NKD1: variants seen among roughly 807,000 people sequenced by gnomAD.
NKD1 encodes protein naked cuticle homolog 1.
Under a neutral mutation model 56.0 loss-of-function variants are expected in NKD1, and 21 were observed. The observed-to-expected ratio is 0.38, with a 90% CI of 0.27 to 0.54. The LOEUF (loss-of-function observed/expected upper bound fraction) is 0.54, where lower values mean the gene tolerates loss of function less well. Among genes scored for constraint, NKD1 ranks in the 20% least tolerant of loss-of-function variants. The pLI, the probability that NKD1 is intolerant of heterozygous loss-of-function variation, is 0.82. For synonymous variants in NKD1, 263 were observed against 265.7 expected (o/e 0.99, Z 0.10); for missense variants, 578 against 642.7 (o/e 0.90, Z 1.09).
chr16:50,613,912 G>A (rs1357865715), intron 4 of NKD1, among the ~76,000 whole-genome samples: 1 of 152,078 alleles, frequency 6.6e-6, no homozygotes, highest in South Asian at 2.1e-4. Context: ...CTTATGCTCT[G>A]ATGAGGAAAA....
chr16:50,565,675 C>T (rs999225680), intron 3 of NKD1, among the ~76,000 whole-genome samples: 2 of 152,178 alleles, frequency 1.3e-5, no homozygotes, highest in African/African-American at 4.8e-5. Context: ...AGCGACAGAG[C>T]GAGACCATGT....
chr16:50,566,424 A>T (rs1567335906), intron 3 of NKD1, among the ~76,000 whole-genome samples: 1 of 152,136 alleles, frequency 6.6e-6, no homozygotes, highest in African/African-American at 2.4e-5. Flanking sequence ...TCCAGCAAAA[A>T]CCCAGGCGGA....
chr16:50,574,338 C>G (rs1217357341), intron 3 of NKD1: 16 of 985,206 alleles, frequency 1.6e-5, no homozygotes, highest in Non-Finnish European at 7.2e-6. Flanking sequence ...CTGAGGTGTC[C>G]TGGGAGGGCC....
chr16:50,617,164 C>A (rs927248569), intron 4 of NKD1, among the ~76,000 whole-genome samples: 1 of 152,174 alleles, frequency 6.6e-6, no homozygotes, highest in African/African-American at 2.4e-5. Context: ...TCACAGCATG[C>A]GGTCCCCAAG....
At chr16:50,567,897 C>G (rs1478228633) in intron 3 of NKD1, among the ~76,000 whole-genome samples, 1 of 152,254 alleles carries the variant, frequency 6.6e-6, no homozygotes, top group African/African-American at 2.4e-5. Context: ...ATAAAACTGG[C>G]CTCTGCCATA....
Position 50,635,483 on chromosome 16 carries a change from G to T in NKD1, c.*1702G>T, listed in dbSNP as rs761539675. 1 of 152,198 alleles carries T rather than the reference G, an allele frequency of 6.6e-6. No individual in the cohort carries two copies. The highest frequency in any genetic ancestry group is 1.5e-5 in the Non-Finnish European group (1 of 68,036). 9.4% of individuals were successfully genotyped at this position (152,198 alleles called of 1,614,324 possible). On this transcript the variant is annotated 3_prime_UTR_variant, in exon 10 of 10. Transcript: ENST00000268459. The surrounding 1 kb of genome is among the most constrained non-coding windows in gnomAD (Gnocchi z 4.1). ...GACTCCAGCTACCTTCCTTTCTGCC[G>T]TTTTGTCTCCCAGCTGGCATTCTCT...
chr16:50,624,808 T>G (rs941820959), intron 5 of NKD1, among the ~76,000 whole-genome samples: 3 of 152,192 alleles, frequency 2.0e-5, no homozygotes, highest in African/African-American at 7.2e-5. Context: ...GGGCATTCCT[T>G]CCCAGGCTCT....
At position 50,607,000 on chromosome 16, in the gene NKD1, C is replaced by G. The variant is rs73571941; in HGVS notation, c.193-1294C>G. ...TAACACAAACAGCCAGTTTACAAGC[C>G]CAGGATATGTTCGATGATTATAATA... is the stretch of plus-strand genomic sequence containing the variant. On this transcript the variant is annotated intron_variant, in intron 3 of 9. Coordinates refer to ENST00000268459, the MANE Select transcript of NKD1 (RefSeq NM_033119.5). The G allele has an allele frequency of 1.8e-3, 831 of 456,934 alleles. 6 individuals are homozygous for G. The highest frequency in any genetic ancestry group is 0.016 in the African/African-American group (788 of 50,144). The allele number at this position is 456,934 out of a possible 1,614,324, so 28.3% of individuals were successfully genotyped here.
In NKD1 at chr16:50,548,553, C is replaced by T. The variant is rs1018770690; in HGVS notation, c.-1C>T. On this transcript the variant is annotated 5_prime_UTR_variant, in exon 1 of 10. Coordinates refer to ENST00000268459, the MANE Select transcript of NKD1 (RefSeq NM_033119.5). ...ACGCTCCCGGCCGCCGCAGCCCCAGCATGGGGAAACTTCACTCCAAGCCGG... is the reference window on the plus strand; with the variant it reads ...ACGCTCCCGGCCGCCGCAGCCCCAGTATGGGGAAACTTCACTCCAAGCCGG... 1 of 1,468,412 alleles carries T rather than the reference C, an allele frequency of 6.8e-7. No individual in the cohort carries two copies. Among genetic ancestry groups the T allele is most frequent in the Non-Finnish European group, 9.0e-7 (1 of 1,115,562 alleles). The allele number at this position is 1,468,412 out of a possible 1,614,324, so 91.0% of individuals were successfully genotyped here.
intron 4 of NKD1, among the ~76,000 whole-genome samples, chr16:50,619,109 C>T (rs1962029938): frequency 6.6e-6 from 1 of 152,180 alleles, no homozygotes; most frequent in African/African-American, 2.4e-5. Flanking sequence ...CAAGCCTGGC[C>T]AGCTTGCATC....
In NKD1 at chr16:50,569,368, C is replaced by T. The variant is rs781751816; in HGVS notation, c.192+19813C>T. 2.6e-5 allele frequency among the ~76,000 whole-genome samples: 4 copies of T among 152,160 alleles called. 1 individual carries two copies. Among genetic ancestry groups the T allele is most frequent in the Non-Finnish European group, 4.4e-5 (3 of 68,030 alleles). ...ATTGCTTCTGTGTTCCCTGCAAATACATACACCCCTGCTTTATCCTTGGCT... is the reference window on the plus strand; with the variant it reads ...ATTGCTTCTGTGTTCCCTGCAAATATATACACCCCTGCTTTATCCTTGGCT... On this transcript the variant is annotated intron_variant, in intron 3 of 9. Transcript: ENST00000268459.
At chr16:50,585,182 AT>A (rs1252209795) in intron 3 of NKD1, among the ~76,000 whole-genome samples, 2 of 152,194 alleles carry the variant, frequency 1.3e-5, no homozygotes, top group African/African-American at 4.8e-5. Context: ...CTGTCATTAG[AT>A]TCCGATTTTG....
intron 3 of NKD1, among the ~76,000 whole-genome samples, chr16:50,573,334 C>T (rs946640929): frequency 6.6e-5 from 10 of 152,034 alleles, no homozygotes; most frequent in Non-Finnish European, 8.8e-5. Context: ...GCTATGGAGA[C>T]CTCCTGATGC....
chr16:50,620,734 A>G (rs1272603736), intron 4 of NKD1, among the ~76,000 whole-genome samples: 2 of 152,192 alleles, frequency 1.3e-5, no homozygotes, highest in Admixed American at 6.5e-5. Context: ...GGCACTTTGT[A>G]GTCGGGATCC....
chr16:50,574,288 G>A (rs1960945684), intron 3 of NKD1: 2 of 985,404 alleles, frequency 2.0e-6, no homozygotes, highest in Middle Eastern at 5.2e-4. Flanking sequence ...GACAGTGGGG[G>A]CTAGGGATTG....
intron 3 of NKD1, among the ~76,000 whole-genome samples, chr16:50,589,684 TTTC>T (rs1021664991): frequency 4.7e-5 from 7 of 147,592 alleles, no homozygotes; most frequent in African/African-American, 1.5e-4. Context: ...TGCTGAATGC[TTTC>T]TTTTCTTTTC....
intron 3 of NKD1, among the ~76,000 whole-genome samples, chr16:50,581,533 C>T (rs907877635): frequency 4.6e-5 from 7 of 152,236 alleles, no homozygotes; most frequent in East Asian, 1.9e-4. Context: ...TCAGAGGCAT[C>T]GAGGGCTTCC....
At chr16:50,608,064 G>A (rs748962118) in intron 3 of NKD1, 1 of 537,242 alleles carries the variant, frequency 1.9e-6, no homozygotes, top group Non-Finnish European at 3.4e-6. Flanking sequence ...AGACCCAGTG[G>A]AGCCATAGCC....
intron 3 of NKD1, 149 bp downstream of exon 3, chr16:50,549,704 C>T (rs1960334297): frequency 1.2e-6 from 1 of 827,774 alleles, no homozygotes; most frequent in Admixed American, 3.5e-5. Context: ...CCCACCAACG[C>T]GACCCTCTGC....
Sources: gnomAD v4.1 joint callset for allele counts (sites outside exome capture counted in the v4.1 genomes callset) on GRCh38, gnomAD v4.1.1 for gene constraint, Gnocchi (gnomAD v3.1) non-coding constraint, MANE v1.5 for transcripts, NCBI Gene and HGNC (gene_info 2026-07-23, HGNC 2026-07-21) for gene names.